LEF1: variants seen among roughly 807,000 people sequenced by gnomAD.
The protein encoded by LEF1 is lymphoid enhancer-binding factor 1.
Under a neutral mutation model 51.2 loss-of-function variants are expected in LEF1, and 14 were observed. The observed-to-expected ratio is 0.27, with a 90% CI of 0.18 to 0.43. The LOEUF (loss-of-function observed/expected upper bound fraction) is 0.43, where lower values mean the gene tolerates loss of function less well. LEF1 is among the 20% of genes least tolerant of loss of function. The pLI, the probability that LEF1 is intolerant of heterozygous loss-of-function variation, is 1.00. For synonymous variants in LEF1, 185 were observed against 183.2 expected (o/e 1.01, Z -0.08); for missense variants, 386 against 512.0 (o/e 0.75, Z 2.37).
At chr4:108,106,987 A>G (rs1477285406) in intron 3 of LEF1, among the ~76,000 whole-genome samples, 7 of 152,186 alleles carry the variant, frequency 4.6e-5, no homozygotes, top group Non-Finnish European at 1.0e-4. Context: ...AGATACAAGC[A>G]TTGTCACCCA....
At chr4:108,166,923 C>T (rs1267670540) in intron 1 of LEF1, 2 of 660,922 alleles carry the variant, frequency 3.0e-6, no homozygotes, top group Non-Finnish European at 3.7e-6. Context: ...AGCCCAGGCG[C>T]TGGGGCCGCA....
intron 11 of LEF1, among the ~76,000 whole-genome samples, chr4:108,051,169 A>G (rs1736965317): frequency 6.6e-6 from 1 of 152,062 alleles, no homozygotes; most frequent in Admixed American, 6.5e-5. Flanking sequence ...CCATGGGGTC[A>G]CCTTGCAAAT....
intron 3 of LEF1, among the ~76,000 whole-genome samples, chr4:108,146,538 C>A (rs917608406): frequency 3.3e-5 from 5 of 152,186 alleles, no homozygotes; most frequent in African/African-American, 4.8e-5. Flanking sequence ...GCAGAAAAAA[C>A]CTCCTTTCTT....
At chr4:108,120,515 C>G (rs890385863) in intron 3 of LEF1, among the ~76,000 whole-genome samples, 1 of 152,156 alleles carries the variant, frequency 6.6e-6, no homozygotes, top group Non-Finnish European at 1.5e-5. Context: ...GAATATTCTT[C>G]TTTGATACAA....
At chr4:108,161,711 T>C (rs771224947) in intron 3 of LEF1, among the ~76,000 whole-genome samples, 1 of 152,214 alleles carries the variant, frequency 6.6e-6, no homozygotes, top group African/African-American at 2.4e-5. Flanking sequence ...ATTTTCATTA[T>C]ATTGATTTTT....
chr4:108,116,731 G>A (rs1342066458), intron 3 of LEF1, among the ~76,000 whole-genome samples: 1 of 152,208 alleles, frequency 6.6e-6, no homozygotes, highest in Non-Finnish European at 1.5e-5. Context: ...ACCTGGGTGT[G>A]AATCTTGGCT....
chr4:108,166,835 A>G, intron 1 of LEF1: 1 of 985,670 alleles, frequency 1.0e-6, no homozygotes, highest in Non-Finnish European at 1.2e-6. Flanking sequence ...GGTTGGAGAA[A>G]ACTAGAGTTG....
chr4:108,108,727 G>A (rs372912257), intron 3 of LEF1, among the ~76,000 whole-genome samples: 7 of 152,126 alleles, frequency 4.6e-5, no homozygotes, highest in African/African-American at 1.7e-4. Flanking sequence ...TTATTTATAA[G>A]ATACACATGC....
intron 3 of LEF1, among the ~76,000 whole-genome samples, chr4:108,146,679 A>G (rs530774713): frequency 6.6e-6 from 1 of 152,320 alleles, no homozygotes; most frequent in Admixed American, 6.5e-5. Flanking sequence ...CTATTGGTTC[A>G]GTATGTCTGA....
At position 108,089,186 on chromosome 4, in the gene LEF1, G is replaced by A. The variant is rs141659676; in HGVS notation, c.486C>T (p.Asp162=). 112 of 1,613,774 alleles carry A rather than the reference G, an allele frequency of 6.9e-5. No individual in the cohort carries two copies. The highest frequency in any genetic ancestry group is 3.0e-4 in the Admixed American group (18 of 60,012). ...GGTGTGATCCTGGAGAAAAGTGCTC[G>A]TCACTGTAAGTGATGAGGGGGGTGA... ...HPLTPLITYS[D]EHFSPGSHPS... is the part of the protein sequence containing the mutation. Residue 162 remains aspartate (D), a synonymous_variant, in exon 4 of 12, where the codon GAC becomes GAT. Coordinates refer to ENST00000265165, the MANE Select transcript of LEF1 (RefSeq NM_016269.5).
At chr4:108,143,930 G>A (rs766666752) in intron 3 of LEF1, among the ~76,000 whole-genome samples, 46 of 152,090 alleles carry the variant, frequency 3.0e-4, no homozygotes, top group Non-Finnish European at 5.7e-4. Flanking sequence ...CAGGAGACTC[G>A]TTATATAGCA....
At chr4:108,068,651 T>A (rs1268312112) in intron 9 of LEF1, among the ~76,000 whole-genome samples, 8 of 152,176 alleles carry the variant, frequency 5.3e-5, no homozygotes, top group Non-Finnish European at 1.5e-5. Flanking sequence ...TTATATCCAA[T>A]GTCTGAGCTC....
intron 3 of LEF1, among the ~76,000 whole-genome samples, chr4:108,134,192 A>G (rs1361257101): frequency 6.6e-6 from 1 of 151,982 alleles, no homozygotes; most frequent in Non-Finnish European, 1.5e-5. Context: ...CAACTTTCAC[A>G]TATCTTTCAA....
chr4:108,166,430 GA>G, intron 1 of LEF1: 5 of 1,414,382 alleles, frequency 3.5e-6, no homozygotes, highest in East Asian at 5.3e-5. Flanking sequence ...TCTTTGGAGG[GA>G]AAAGGCGTTG....
chr4:108,141,437 C>A (rs138621040), intron 3 of LEF1, among the ~76,000 whole-genome samples: 1 of 152,148 alleles, frequency 6.6e-6, no homozygotes, highest in Non-Finnish European at 1.5e-5. Flanking sequence ...GGCATGTCAG[C>A]GGGACTCCAG....
intron 2 of LEF1, among the ~76,000 whole-genome samples, chr4:108,164,605 T>C (rs1578414852): frequency 6.6e-6 from 1 of 152,164 alleles, no homozygotes; most frequent in African/African-American, 2.4e-5. Context: ...CATTCCTAAT[T>C]ATAAGTTTTA....
chr4:108,097,667 G>A (rs1463838021), intron 3 of LEF1, among the ~76,000 whole-genome samples: 6 of 152,126 alleles, frequency 3.9e-5, no homozygotes, highest in Non-Finnish European at 8.8e-5. Context: ...CACCTTGTAT[G>A]CCTATATCAA....
At chr4:108,062,084 G>A (rs1330988102) in intron 11 of LEF1, among the ~76,000 whole-genome samples, 2 of 152,112 alleles carry the variant, frequency 1.3e-5, no homozygotes, top group Non-Finnish European at 2.9e-5. Context: ...AACCACCACA[G>A]GGGGTAGGTA....
intron 8 of LEF1, 56 bp downstream of exon 8, chr4:108,078,164 T>C: frequency 6.5e-7 from 1 of 1,547,970 alleles, no homozygotes; most frequent in Non-Finnish European, 8.9e-7. Flanking sequence ...GGGGCAGATT[T>C]TCATGAAGCA....
Sources: allele counts gnomAD v4.1 joint callset (sites outside exome capture counted in the v4.1 genomes callset), GRCh38; gene constraint gnomAD v4.1.1; transcripts MANE v1.5; gene names NCBI Gene and HGNC (gene_info 2026-07-23, HGNC 2026-07-21).